Variants in ABHD6 observed in about 807,000 individuals in gnomAD.
ABHD6 encodes the protein monoacylglycerol lipase ABHD6.
In ABHD6, 33 loss-of-function variants were observed where a neutral mutation model predicts 38.8. The ratio of observed to expected loss-of-function variants is 0.85; its 90% CI spans 0.64 to 1.14. The LOEUF is 1.14. ABHD6 is among the 50% of genes most tolerant of loss of function. The pLI is 0.00. For missense variants in ABHD6, 380 were observed against 422.6 expected, an observed-to-expected ratio of 0.90 and a Z score of 0.88; for synonymous variants, 147 against 161.6, an observed-to-expected ratio of 0.91 and a Z score of 0.69.
At chr3:58,258,772 A>T (rs552664991) in intron 3 of ABHD6, 1 of 153,466 alleles carries the variant, frequency 6.5e-6, no homozygotes, top group African/African-American at 2.4e-5. Context: ...TCCGCCTGCC[A>T]GCCAAGCTCT....
In ABHD6 at chr3:58,266,610, ACTT is replaced by A; in HGVS notation, c.120-575_120-573del. The stretch of plus-strand genomic sequence containing the variant: ...TTATTTGCTTTTGCAAGACTTGGCT[ACTT>A]CTTTAGTGTGAAGTATCTTACAAAG... On this transcript the variant is annotated intron_variant, in intron 3 of 9. Coordinates refer to ENST00000478253, the MANE Select transcript of ABHD6 (RefSeq NM_001320126.2). The surrounding 1 kb of genome is among the most constrained non-coding windows in gnomAD (Gnocchi z 4.0). Among the ~76,000 whole-genome samples, 1 of 152,352 alleles carries A rather than the reference ACTT, an allele frequency of 6.6e-6. No homozygotes were observed. The highest frequency in any genetic ancestry group is 2.1e-4 in the South Asian group (1 of 4,830).
intron 2 of ABHD6, among the ~76,000 whole-genome samples, chr3:58,254,301 A>T (rs899142196): frequency 2.0e-5 from 3 of 152,222 alleles, no homozygotes; most frequent in Non-Finnish European, 4.4e-5. Context: ...ATTACAGCCT[A>T]CAGGTCAAAT....
intron 3 of ABHD6, among the ~76,000 whole-genome samples, chr3:58,262,166 C>G (rs1398011519): frequency 6.6e-6 from 1 of 152,086 alleles, no homozygotes; most frequent in Non-Finnish European, 1.5e-5. Flanking sequence ...ATAGAGGTTG[C>G]TAGGGGACTG....
intron 9 of ABHD6, among the ~76,000 whole-genome samples, chr3:58,292,967 A>T (rs1204990510): frequency 6.6e-6 from 1 of 152,144 alleles, no homozygotes; most frequent in Non-Finnish European, 1.5e-5. Context: ...CCCCTCTTGC[A>T]TCCTTCCTAC....
At chr3:58,284,254 G>C (rs553715795) in intron 7 of ABHD6, among the ~76,000 whole-genome samples, 31 of 152,300 alleles carry the variant, frequency 2.0e-4, no homozygotes, top group African/African-American at 7.5e-4. Context: ...GGAAGGCAAA[G>C]ACAGTGTCAA....
rs997909736 is a variant in ABHD6 at position 58,285,774 on chromosome 3, G to A, written c.837+321G>A. On this transcript the variant is annotated intron_variant, in intron 9 of 9. Coordinates refer to ENST00000478253, the MANE Select transcript of ABHD6 (RefSeq NM_001320126.2). The surrounding 1 kb of genome is among the most constrained non-coding windows in gnomAD (Gnocchi z 4.9). ...TTTATAATGAAAACTTTTCTTTTTC[G>A]CATCCCAAATTCCATTCTCCATTAC... Among the ~76,000 whole-genome samples the A allele has an allele frequency of 6.6e-5, 10 of 152,072 alleles. No individual in the cohort carries two copies. Among genetic ancestry groups the A allele is most frequent in the African/African-American group, 1.7e-4 (7 of 41,406 alleles).
In ABHD6 at chr3:58,269,373, G is replaced by T. The variant is rs1559777881; in HGVS notation, c.329G>T (p.Gly110Val). 6.2e-7 allele frequency: 1 copy of T among 1,613,956 alleles called. No individual in the cohort carries two copies. Among genetic ancestry groups the T allele is most frequent in the East Asian group, 2.2e-5 (1 of 44,884 alleles). Reference sequence around the variant, plus strand: ...TGCGTGGACATGCCAGGACATGAGGGCACCACCCGCTCCTCCCTGGATGAC... The same window carrying T: ...TGCGTGGACATGCCAGGACATGAGGTCACCACCCGCTCCTCCCTGGATGAC... ...LVCVDMPGHE[G>V]TTRSSLDDLS... is the part of the protein sequence containing the mutation. The change falls in exon 5 of 10, where the codon GGC becomes GTC. Residue 110 changes from glycine (G) to valine (V), a missense_variant. Coordinates refer to ENST00000478253, the MANE Select transcript of ABHD6 (RefSeq NM_001320126.2). This position sits in a 1 kb window ranked among gnomAD's most constrained non-coding sequence, Gnocchi z 4.4.
intron 1 of ABHD6, among the ~76,000 whole-genome samples, chr3:58,248,548 A>T (rs1199005800): frequency 6.6e-6 from 1 of 152,110 alleles, no homozygotes; most frequent in Non-Finnish European, 1.5e-5. Flanking sequence ...AAAATACAAA[A>T]TTAGCCGGGC....
chr3:58,274,675 G>A lies in ABHD6; in HGVS notation c.541G>A (p.Asp181Asn), dbSNP rs927552262. ...TCCCACAGGCCTGCAGTACTCAACTGACAATCAATTTGTACAACGGCTCAA... is the reference window on the plus strand; with the variant it reads ...TCCCACAGGCCTGCAGTACTCAACTAACAATCAATTTGTACAACGGCTCAA... ...VCPAGLQYST[D>N]NQFVQRLKEL... Residue 181 changes from aspartate to asparagine, a missense_variant, in exon 7 of 10, where the codon GAC (aspartate) becomes AAC (asparagine). Asp to Asn is a conservative substitution (Grantham distance 23). Transcript: ENST00000478253. 12 of 1,614,194 alleles carry A rather than the reference G, an allele frequency of 7.4e-6. No homozygotes were observed. In the African/African-American group the frequency reaches 1.3e-4, roughly 18 times the overall value.
intron 1 of ABHD6, among the ~76,000 whole-genome samples, chr3:58,240,958 G>A (rs1391917863): frequency 2.0e-5 from 3 of 151,872 alleles, no homozygotes; most frequent in Non-Finnish European, 4.4e-5. Context: ...TCGAACTCCC[G>A]ACCTCAGGTG....
rs2097434095 is a variant in ABHD6 at position 58,257,339 on chromosome 3, TGTTG to T, written c.119+646_119+649del. ...TGATCATTGGTTGTTTTTGTTTGTT[TGTTG>T]GTTGGTTGGTTTTTTGGGTTTTTGT... On this transcript the variant is annotated intron_variant, in intron 3 of 9. Transcript: ENST00000478253. The surrounding 1 kb of genome is among the most constrained non-coding windows in gnomAD (Gnocchi z 4.8). Among the ~76,000 whole-genome samples the T allele has an allele frequency of 1.3e-5, 2 of 151,576 alleles. No homozygotes were observed. The highest frequency in any genetic ancestry group is 4.9e-5 in the African/African-American group (2 of 41,198).
rs769769420 is a variant in ABHD6, at chr3:58,287,456, C to A, written c.837+2003C>A. 6.6e-6 allele frequency among the ~76,000 whole-genome samples: 1 copy of A among 151,632 alleles called. No individual in the cohort carries two copies. Among genetic ancestry groups the A allele is most frequent in the African/African-American group, 2.4e-5 (1 of 41,222 alleles). On this transcript the variant is annotated intron_variant, in intron 9 of 9. Transcript: ENST00000478253. This position sits in a 1 kb window ranked among gnomAD's most constrained non-coding sequence, Gnocchi z 4.7. ...AGCCAGGCTGTGCCCATGGCGTGTACGCAGAATAAGAGGCAATGGTGTCTT... is the reference window on the plus strand; with the variant it reads ...AGCCAGGCTGTGCCCATGGCGTGTAAGCAGAATAAGAGGCAATGGTGTCTT...
At chr3:58,252,035 A>G (rs892872376) in intron 2 of ABHD6, among the ~76,000 whole-genome samples, 39 of 152,248 alleles carry the variant, frequency 2.6e-4, no homozygotes, top group Admixed American at 2.2e-3. Flanking sequence ...AAATAGATGA[A>G]GAAGCCAAGG....
Position 58,267,192 on chromosome 3 carries a change from C to G in ABHD6, c.123C>G (p.Tyr41Ter). The G allele has an allele frequency of 6.2e-7, 1 of 1,613,836 alleles. No individual in the cohort carries two copies. ...CTTTATTTCTCACCCCTTCCAGGTA[C>G]TGGCGGAGGACATTGGGCATGCAAG... is the stretch of plus-strand genomic sequence containing the variant. Reference protein sequence around the residue: ...PSALIRIYYWYWRRTLGMQVR... With the variant: ...PSALIRIYYW The change falls in exon 4 of 10, where the codon TAC becomes TAG. Residue 41 changes from tyrosine (Y) to a stop codon, truncating the protein, a stop_gained. Transcript: ENST00000478253. LOFTEE classifies it high-confidence loss of function. This position sits in a 1 kb window ranked among gnomAD's most constrained non-coding sequence, Gnocchi z 4.3.
At chr3:58,276,342 T>G (rs1269296925) in intron 7 of ABHD6, among the ~76,000 whole-genome samples, 1 of 152,244 alleles carries the variant, frequency 6.6e-6, no homozygotes, top group African/African-American at 2.4e-5. Flanking sequence ...ATTGTGGTTT[T>G]GATTTGCATT....
chr3:58,289,177 C>A (rs1336528998), intron 9 of ABHD6, among the ~76,000 whole-genome samples: 1 of 152,178 alleles, frequency 6.6e-6, no homozygotes, highest in Non-Finnish European at 1.5e-5. Context: ...ACCTCAGCCT[C>A]CCAGGCAGCT....
At position 58,265,282 on chromosome 3, in the gene ABHD6, C is replaced by T. The variant is rs551878175; in HGVS notation, c.120-1907C>T. Among the ~76,000 whole-genome samples, 2 of 152,108 alleles carry T rather than the reference C, an allele frequency of 1.3e-5. No homozygotes were observed. Among genetic ancestry groups the T allele is most frequent in the Non-Finnish European group, 2.9e-5 (2 of 67,994 alleles). On this transcript the variant is annotated intron_variant, in intron 3 of 9. Coordinates refer to ENST00000478253, the MANE Select transcript of ABHD6 (RefSeq NM_001320126.2). The surrounding 1 kb of genome is among the most constrained non-coding windows in gnomAD (Gnocchi z 4.2). The stretch of plus-strand genomic sequence containing the variant: ...TTTTATGTTTGTTAGTCATTAATAT[C>T]TTTTCTACTCTAAGGTACCTTTTCA...
At chr3:58,255,735 C>T (rs1348242122) in intron 2 of ABHD6, among the ~76,000 whole-genome samples, 1 of 152,120 alleles carries the variant, frequency 6.6e-6, no homozygotes, top group Non-Finnish European at 1.5e-5. Context: ...ACCTCTGCCT[C>T]CTGGGTTCAA....
At position 58,285,282 on chromosome 3, in the gene ABHD6, T is replaced by G. The variant is rs1417492970; in HGVS notation, c.737-71T>G. 31 of 1,543,962 alleles carry G rather than the reference T, an allele frequency of 2.0e-5. No homozygotes were observed. The highest frequency in any genetic ancestry group is 2.6e-5 in the Non-Finnish European group (29 of 1,116,820). The stretch of plus-strand genomic sequence containing the variant: ...AGTGGTGGCCTGGATCTGGTGACTA[T>G]CCCTTGATTCTGCGGTGGTGCCACA... On this transcript the variant is annotated intron_variant, in intron 8 of 9. Coordinates refer to ENST00000478253, the MANE Select transcript of ABHD6 (RefSeq NM_001320126.2). The surrounding 1 kb of genome is among the most constrained non-coding windows in gnomAD (Gnocchi z 4.9).
Sources: allele counts gnomAD v4.1 joint callset (sites outside exome capture counted in the v4.1 genomes callset), GRCh38; gene constraint gnomAD v4.1.1; non-coding constraint Gnocchi (gnomAD v3.1); transcripts MANE v1.5; gene names NCBI Gene and HGNC (gene_info 2026-07-23, HGNC 2026-07-21).